RAD51B: variants seen among roughly 807,000 people sequenced by gnomAD.
The protein encoded by RAD51B is RAD51 paralog B.
RAD51B carries 38 observed loss-of-function variants against 42.2 expected under a neutral mutation model. The observed-to-expected ratio is 0.90, with a 90% CI of 0.70 to 1.18. RAD51B has a LOEUF of 1.18. RAD51B is among the 50% of genes most tolerant of loss of function. RAD51B has a pLI of 0.00. For synonymous variants in RAD51B, 154 were observed against 145.2 expected (o/e 1.06, Z -0.43); for missense variants, 373 against 400.7 (o/e 0.93, Z 0.59).
At chr14:67,910,183 A>G (rs1309040463) in intron 7 of RAD51B, among the ~76,000 whole-genome samples, 1 of 152,160 alleles carries the variant, frequency 6.6e-6, no homozygotes, top group Non-Finnish European at 1.5e-5. Flanking sequence ...GCAGCTGCGT[A>G]TACGAATATA....
intron 7 of RAD51B, among the ~76,000 whole-genome samples, chr14:67,893,320 TAAAAAA>T (rs1202109357): frequency 6.6e-6 from 1 of 151,564 alleles, no homozygotes; most frequent in Non-Finnish European, 1.5e-5. Context: ...AATAAAAAGT[TAAAAAA>T]AGAAAAGGAG....
intron 7 of RAD51B, among the ~76,000 whole-genome samples, chr14:68,161,314 C>T (rs2078634495): frequency 6.6e-6 from 1 of 152,122 alleles, no homozygotes; most frequent in Non-Finnish European, 1.5e-5. Context: ...CAGGTTTTTC[C>T]TGTGTAGTAG....
In RAD51B at chr14:68,195,007, G is replaced by C. The variant is rs529539511; in HGVS notation, c.757-96877G>C. On this transcript the variant is annotated intron_variant, in intron 7 of 10. Coordinates refer to ENST00000471583, the MANE Select transcript of RAD51B (RefSeq NM_133510.4). ...ATTAATTCATTCAGCACATAATAAC[G>C]AAGTATGTACTTGGTGGCAAGCACT... 3.3e-5 allele frequency among the ~76,000 whole-genome samples: 5 copies of C among 152,098 alleles called. No homozygotes were observed. In the South Asian group the frequency reaches 8.3e-4, roughly 25 times the overall value.
intron 7 of RAD51B, among the ~76,000 whole-genome samples, chr14:68,209,961 CTT>C (rs111751838): frequency 1.3e-3 from 190 of 142,034 alleles, no homozygotes; most frequent in Middle Eastern, 3.5e-3. Context: ...CTAGGAATAC[CTT>C]TTTTTTTTTT....
chr14:68,153,175 A>G (rs565260644), intron 7 of RAD51B, among the ~76,000 whole-genome samples: 1 of 152,354 alleles, frequency 6.6e-6, no homozygotes, highest in East Asian at 1.9e-4. Flanking sequence ...TACGTATAGT[A>G]TAAGAACCTT....
intron 7 of RAD51B, among the ~76,000 whole-genome samples, chr14:68,248,447 G>A (rs1388279439): frequency 6.6e-6 from 1 of 151,850 alleles, no homozygotes; most frequent in Non-Finnish European, 1.5e-5. Flanking sequence ...GGCTGCCACT[G>A]TATGTGAAGG....
intron 7 of RAD51B, among the ~76,000 whole-genome samples, chr14:68,185,777 A>G (rs2079145631): frequency 6.6e-6 from 1 of 152,176 alleles, no homozygotes; most frequent in Non-Finnish European, 1.5e-5. Context: ...GCAGTTCACA[A>G]TAGGATTCGT....
At chr14:67,840,845 C>T (rs181532572) in intron 4 of RAD51B, among the ~76,000 whole-genome samples, 97 of 151,914 alleles carry the variant, frequency 6.4e-4, no homozygotes, top group African/African-American at 2.1e-3. Flanking sequence ...ATTCTGTTGC[C>T]CAGCCCGGAG....
chr14:68,485,521 G>C (rs970640346), intron 10 of RAD51B, among the ~76,000 whole-genome samples: 3 of 152,006 alleles, frequency 2.0e-5, no homozygotes, highest in African/African-American at 7.3e-5. Flanking sequence ...CCAGTCTTTG[G>C]AGTTACTTCC....
At chr14:68,618,368 A>G (rs8010030) in intron 10 of RAD51B, among the ~76,000 whole-genome samples, 137,361 of 152,238 alleles carry the variant, frequency 0.9, 62,191 homozygotes, top group African/African-American at 0.97. Flanking sequence ...AATCACTGTG[A>G]ATTAGTTTTG....
At chr14:68,587,125 C>T (rs1367843662) in intron 10 of RAD51B, among the ~76,000 whole-genome samples, 1 of 152,156 alleles carries the variant, frequency 6.6e-6, no homozygotes, top group Non-Finnish European at 1.5e-5. Context: ...ACAGTGCCTG[C>T]GCATAAGAGG....
chr14:68,208,119 T>TAA (rs10712012), intron 7 of RAD51B, among the ~76,000 whole-genome samples: 1 of 149,672 alleles, frequency 6.7e-6, no homozygotes. Flanking sequence ...GTATAATATT[T>TAA]AAAAAAAAAA....
At chr14:67,933,002 C>T (rs1278970828) in intron 7 of RAD51B, among the ~76,000 whole-genome samples, 1 of 152,202 alleles carries the variant, frequency 6.6e-6, no homozygotes, top group Non-Finnish European at 1.5e-5. Flanking sequence ...ACAGAGACCA[C>T]TCCATTGGTG....
chr14:68,284,874 G>A (rs750336982), intron 7 of RAD51B, among the ~76,000 whole-genome samples: 2 of 151,954 alleles, frequency 1.3e-5, no homozygotes, highest in Non-Finnish European at 1.5e-5. Context: ...AACAAATATT[G>A]GGTATCTCTA....
chr14:67,967,381 A>C (rs1469672276), intron 7 of RAD51B, among the ~76,000 whole-genome samples: 2 of 152,178 alleles, frequency 1.3e-5, no homozygotes, highest in African/African-American at 4.8e-5. Flanking sequence ...ACAAAGTCTT[A>C]ACTCATTTCA....
chr14:67,930,620 T>A (rs1454330900), intron 7 of RAD51B, among the ~76,000 whole-genome samples: 2 of 152,184 alleles, frequency 1.3e-5, no homozygotes, highest in African/African-American at 4.8e-5. Flanking sequence ...GCTTTAAGAC[T>A]TTTCTCCTTG....
intron 10 of RAD51B, among the ~76,000 whole-genome samples, chr14:68,556,805 T>C (rs1283144082): frequency 1.3e-5 from 2 of 152,168 alleles, no homozygotes; most frequent in Admixed American, 6.5e-5. Context: ...TTTTAATCTG[T>C]CATCCACAAA....
At chr14:68,554,970 C>A (rs1475613493) in intron 10 of RAD51B, among the ~76,000 whole-genome samples, 2 of 151,848 alleles carry the variant, frequency 1.3e-5, no homozygotes, top group African/African-American at 4.8e-5. Flanking sequence ...TGCCTCAGCT[C>A]CCTGAGTAGC....
chr14:68,062,310 G>A (rs1294277445), intron 7 of RAD51B, among the ~76,000 whole-genome samples: 4 of 152,090 alleles, frequency 2.6e-5, no homozygotes, highest in African/African-American at 9.7e-5. Context: ...GTTTTATTGA[G>A]GATTTTTACA....
Sources: allele counts gnomAD v4.1 joint callset (sites outside exome capture counted in the v4.1 genomes callset), GRCh38; gene constraint gnomAD v4.1.1; transcripts MANE v1.5; gene names NCBI Gene and HGNC (gene_info 2026-07-23, HGNC 2026-07-21).